The following SLC35D2 variants were observed in gnomAD, a reference collection of about 807,000 sequenced individuals.
SLC35D2 encodes the protein solute carrier family 35 member D2.
Under a neutral mutation model 41.8 loss-of-function variants are expected in SLC35D2, and 43 were observed. The ratio of observed to expected loss-of-function variants is 1.03; its 90% confidence interval spans 0.81 to 1.33. The LOEUF is 1.33. Among genes scored for constraint, SLC35D2 ranks in the 40% most tolerant of loss-of-function variants. The pLI is 0.00. For missense variants in SLC35D2, 380 were observed against 408.4 expected, an observed-to-expected ratio of 0.93 and a Z score of 0.60; for synonymous variants, 150 against 163.9, an observed-to-expected ratio of 0.92 and a Z score of 0.65.
rs151218693 is a variant in SLC35D2, at chr9:96,339,424, A to T, written c.685-2640T>A. ...GTGACCAGCCCCAACCTAAATTTTT[A>T]TAGATTTTAGTTTTATTTCCTTAAT... On this transcript the variant is annotated intron_variant, in intron 8 of 11. Coordinates refer to ENST00000253270, the MANE Select transcript of SLC35D2 (RefSeq NM_007001.3). Among the ~76,000 whole-genome samples the T allele has an allele frequency of 2.5e-3, 388 of 152,280 alleles. 2 individuals carry two copies. Among genetic ancestry groups the T allele is most frequent in the African/African-American group, 8.9e-3 (371 of 41,560 alleles).
At chr9:96,321,781 G>A (rs996393725) in intron 11 of SLC35D2, among the ~76,000 whole-genome samples, 4 of 152,108 alleles carry the variant, frequency 2.6e-5, no homozygotes, top group East Asian at 3.9e-4. Context: ...GTTAAATTCC[G>A]ATCCCAGCCC....
At chr9:96,351,999 G>A (rs772282537) in intron 5 of SLC35D2, 39 bp downstream of exon 5, 3 of 1,344,018 alleles carry the variant, frequency 2.2e-6, no homozygotes, top group Non-Finnish European at 3.2e-6. Flanking sequence ...TGCAGTGGGT[G>A]GGAGGCACAC....
intron 1 of SLC35D2, among the ~76,000 whole-genome samples, chr9:96,376,902 G>A (rs1466706549): frequency 6.6e-6 from 1 of 151,404 alleles, no homozygotes. Context: ...GAGCCACTGC[G>A]CCCGGCCATG....
At position 96,368,294 on chromosome 9, in the gene SLC35D2, G is replaced by A; in HGVS notation, c.170C>T (p.Pro57Leu). The change falls in exon 2 of 12, where the codon CCA (proline) becomes CTA (leucine). Residue 57 changes from proline (P) to leucine (L), a missense_variant. Transcript: ENST00000253270. ...CACCTGTCCAATTCCAAGGAAAATTGGTGACGGGAAACTACAAAGGACACA... is the reference window on the plus strand; with the variant it reads ...CACCTGTCCAATTCCAAGGAAAATTAGTGACGGGAAACTACAAAGGACACA... The part of the protein sequence containing the change: ...ALLTTYGFPS[P>L]IFLGIGQMAA... 6.2e-7 allele frequency: 1 copy of A among 1,606,824 alleles called. No homozygotes were observed. The highest frequency in any genetic ancestry group is 8.5e-7 in the Non-Finnish European group (1 of 1,175,666).
downstream of SLC35D2, among the ~76,000 whole-genome samples, chr9:96,320,065 C>T (rs1384203378): frequency 3.3e-5 from 5 of 152,198 alleles, no homozygotes; most frequent in Admixed American, 6.5e-5. Flanking sequence ...CCCATTCCCA[C>T]GCAGGGAGGG....
At chr9:96,315,596 G>A (rs1828033714) in intron 11 of SLC35D2, among the ~76,000 whole-genome samples, 1 of 152,050 alleles carries the variant, frequency 6.6e-6, no homozygotes, top group South Asian at 2.1e-4. Context: ...ACCACGCCCA[G>A]CTAATTTTTT....
At chr9:96,328,807 A>C (rs1430922017) in intron 9 of SLC35D2, among the ~76,000 whole-genome samples, 2 of 152,190 alleles carry the variant, frequency 1.3e-5, no homozygotes, top group Non-Finnish European at 2.9e-5. Flanking sequence ...TCATTCTCTT[A>C]TAATTCCAGA....
At chr9:96,326,442 T>C (rs1323770331) in intron 9 of SLC35D2, among the ~76,000 whole-genome samples, 2 of 152,214 alleles carry the variant, frequency 1.3e-5, no homozygotes, top group Non-Finnish European at 2.9e-5. Context: ...TGTTCTTTTA[T>C]AGAAAAATTG....
intron 1 of SLC35D2, among the ~76,000 whole-genome samples, chr9:96,375,452 C>A (rs570605040): frequency 2.0e-5 from 3 of 150,642 alleles, no homozygotes; most frequent in African/African-American, 7.3e-5. Flanking sequence ...GTGGCTCATG[C>A]CTGTAATCCC....
intron 3 of SLC35D2, among the ~76,000 whole-genome samples, chr9:96,361,999 T>C (rs983844220): frequency 2.6e-5 from 4 of 152,178 alleles, no homozygotes; most frequent in Non-Finnish European, 5.9e-5. Flanking sequence ...GTACTTTTTA[T>C]TTTTCTAGCC....
intron 6 of SLC35D2, among the ~76,000 whole-genome samples, 180 bp from the exon 7 acceptor site, chr9:96,345,581 T>C (rs891195722): frequency 7.9e-5 from 12 of 152,172 alleles, no homozygotes; most frequent in Admixed American, 7.2e-4. Flanking sequence ...AACCAGCCCA[T>C]CAGATGGCTT....
At chr9:96,362,119 A>G (rs548771697) in intron 3 of SLC35D2, among the ~76,000 whole-genome samples, 2 of 152,348 alleles carry the variant, frequency 1.3e-5, no homozygotes, top group African/African-American at 4.8e-5. Flanking sequence ...GAATTTCACC[A>G]TCATAATATT....
At chr9:96,339,557 G>A (rs1829217889) in intron 8 of SLC35D2, among the ~76,000 whole-genome samples, 1 of 151,964 alleles carries the variant, frequency 6.6e-6, no homozygotes, top group Admixed American at 6.6e-5. Context: ...AATAATCAAA[G>A]GTAAACAACA....
At chr9:96,326,772 C>T (rs1288269422) in intron 9 of SLC35D2, among the ~76,000 whole-genome samples, 1 of 143,234 alleles carries the variant, frequency 7.0e-6, no homozygotes, top group Non-Finnish European at 1.5e-5. Flanking sequence ...CACCACTGCA[C>T]TTTAGCCTGG....
chr9:96,342,168 T>C (rs2130902308), intron 8 of SLC35D2, among the ~76,000 whole-genome samples: 1 of 152,144 alleles, frequency 6.6e-6, no homozygotes, highest in African/African-American at 2.4e-5. Flanking sequence ...TGGAGTGCAA[T>C]AGCGTGATCT....
At chr9:96,352,379 T>C (rs1257123937) in intron 4 of SLC35D2, among the ~76,000 whole-genome samples, 1 of 152,118 alleles carries the variant, frequency 6.6e-6, no homozygotes, top group Non-Finnish European at 1.5e-5. Flanking sequence ...TGTAGTGCAG[T>C]GGTGCAATCT....
downstream of SLC35D2, among the ~76,000 whole-genome samples, chr9:96,318,954 T>C (rs1333844971): frequency 1.3e-5 from 2 of 152,148 alleles, no homozygotes; most frequent in African/African-American, 2.4e-5. Context: ...GAAAACAGCA[T>C]AGCAGGTCCT....
At chr9:96,314,910 G>A (rs1004563198) in intron 11 of SLC35D2, 1 of 152,144 alleles carries the variant, frequency 6.6e-6, no homozygotes, top group Non-Finnish European at 1.5e-5. Flanking sequence ...CTGGGAGAAG[G>A]AAAAGAGAGG....
Sources: allele counts gnomAD v4.1 joint callset (sites outside exome capture counted in the v4.1 genomes callset), GRCh38; gene constraint gnomAD v4.1.1; transcripts MANE v1.5; gene names NCBI Gene and HGNC (gene_info 2026-07-23, HGNC 2026-07-21).